Variants in TRIM9 observed in about 807,000 individuals in gnomAD.
TRIM9 encodes tripartite motif containing 9.
In TRIM9, 26 loss-of-function variants were observed where a neutral mutation model predicts 78.3. The observed-to-expected ratio is 0.33, with a 90% confidence interval of 0.24 to 0.46. TRIM9 has a LOEUF of 0.46. Ranked by LOEUF, TRIM9 falls within the 20% of genes least tolerant of loss-of-function variation. The pLI is 1.00. For missense variants in TRIM9, 787 were observed against 1,036.4 expected, an observed-to-expected ratio of 0.76 and a Z score of 3.30; for synonymous variants, 398 against 416.5, an observed-to-expected ratio of 0.96 and a Z score of 0.54.
At chr14:51,061,044 G>A (rs1054444564) in intron 1 of TRIM9, among the ~76,000 whole-genome samples, 3 of 152,188 alleles carry the variant, frequency 2.0e-5, no homozygotes, top group Admixed American at 6.5e-5. Context: ...ATGATGTTGA[G>A]TATGTGTTCA....
intron 1 of TRIM9, among the ~76,000 whole-genome samples, chr14:51,033,093 C>G (rs1377275754): frequency 1.3e-5 from 2 of 152,156 alleles, no homozygotes; most frequent in East Asian, 3.9e-4. Context: ...TATTTATTTA[C>G]TTATTTATTT....
chr14:51,048,220 C>T (rs4375571), intron 1 of TRIM9, among the ~76,000 whole-genome samples: 43,812 of 152,068 alleles, frequency 0.29, 7,425 homozygotes, highest in South Asian at 0.53. Context: ...ATTCAGTGCA[C>T]GGGCAATCTC....
intron 1 of TRIM9, among the ~76,000 whole-genome samples, chr14:51,058,845 A>T (rs897674755): frequency 3.3e-5 from 5 of 152,242 alleles, no homozygotes; most frequent in Non-Finnish European, 7.3e-5. Context: ...TTGGAAGAAT[A>T]AGAAAAATAT....
chr14:51,014,225 A>G (rs1335639929), intron 3 of TRIM9, among the ~76,000 whole-genome samples: 1 of 152,146 alleles, frequency 6.6e-6, no homozygotes, highest in African/African-American at 2.4e-5. Flanking sequence ...TTCCTTATCA[A>G]GCATGGTTTA....
chr14:51,091,862 G>A (rs61987477), intron 1 of TRIM9, among the ~76,000 whole-genome samples: 24,844 of 152,086 alleles, frequency 0.16, 2,321 homozygotes, highest in African/African-American at 0.25. Context: ...GGCAGCACCA[G>A]TGTCTGTCTA....
At chr14:51,047,439 C>T (rs894768380) in intron 1 of TRIM9, among the ~76,000 whole-genome samples, 1 of 152,110 alleles carries the variant, frequency 6.6e-6, no homozygotes, top group African/African-American at 2.4e-5. Context: ...GAGGAATGAA[C>T]ACAGAGCTTA....
rs532387709 is a variant in TRIM9, at chr14:50,995,896, C to A, written c.1603+2154G>T. Among the ~76,000 whole-genome samples the A allele has an allele frequency of 2.0e-4, 30 of 152,020 alleles. No homozygotes were observed. In the East Asian group the frequency reaches 5.0e-3, roughly 25 times the overall value. On this transcript the variant is annotated intron_variant, in intron 7 of 12. Coordinates refer to ENST00000684578, the MANE Select transcript of TRIM9 (RefSeq NM_001387360.1). ...ATTTTTCTCACTGATTTCTAAAAAA[C>A]AAACAAAAAAGAGATAATTATTTGA... is the stretch of plus-strand genomic sequence containing the variant.
At chr14:51,050,315 G>T (rs2060295930) in intron 1 of TRIM9, among the ~76,000 whole-genome samples, 1 of 152,094 alleles carries the variant, frequency 6.6e-6, no homozygotes, top group Non-Finnish European at 1.5e-5. Flanking sequence ...TCCCCATACT[G>T]TTCTCGTGGT....
At chr14:51,031,371 C>G (rs945984090) in intron 1 of TRIM9, among the ~76,000 whole-genome samples, 1 of 151,988 alleles carries the variant, frequency 6.6e-6, no homozygotes, top group Non-Finnish European at 1.5e-5. Flanking sequence ...TCAAGGCTGC[C>G]AAAAGAATTC....
intron 7 of TRIM9, among the ~76,000 whole-genome samples, chr14:50,992,194 G>A (rs1161470163): frequency 6.6e-6 from 1 of 152,194 alleles, no homozygotes; most frequent in Non-Finnish European, 1.5e-5. Context: ...TCTTCTGACA[G>A]GTTCTTTGTT....
intron 1 of TRIM9, chr14:51,088,986 A>T (rs1393564411): frequency 6.9e-6 from 1 of 144,920 alleles, no homozygotes; most frequent in African/African-American, 2.7e-5. Context: ...AGCTAAAGCA[A>T]AGAAAAAAAA....
Position 51,001,643 on chromosome 14 carries a change from A to G in TRIM9, c.1307-803T>C, listed in dbSNP as rs560871086. Among the ~76,000 whole-genome samples the G allele has an allele frequency of 2.0e-4, 31 of 152,236 alleles. 1 individual carries two copies. The South Asian group carries it at 6.4e-3, about 32-fold the overall frequency. On this transcript the variant is annotated intron_variant, in intron 5 of 12. Coordinates refer to ENST00000684578, the MANE Select transcript of TRIM9 (RefSeq NM_001387360.1). The stretch of plus-strand genomic sequence containing the variant: ...GAAACCACTACATTTCCAATATTCC[A>G]TCATTTTTTTTTAAAACCAGTGATT...
At position 51,090,358 on chromosome 14, in the gene TRIM9, C is replaced by T. The variant is rs147858540; in HGVS notation, c.822+3760G>A. Among the ~76,000 whole-genome samples, 1,148 of 152,216 alleles carry T rather than the reference C, an allele frequency of 7.5e-3. 6 individuals carry two copies. The highest frequency in any genetic ancestry group is 0.01 in the Non-Finnish European group (689 of 68,012). ...ACATAAATATTTAATGAGATGCCAC[C>T]ATAAAGCTAAGCAGATATTTTTCTC... On this transcript the variant is annotated intron_variant, in intron 1 of 12. Coordinates refer to ENST00000684578, the MANE Select transcript of TRIM9 (RefSeq NM_001387360.1).
intron 6 of TRIM9, among the ~76,000 whole-genome samples, chr14:50,998,629 A>G (rs2054544001): frequency 6.6e-6 from 1 of 152,202 alleles, no homozygotes; most frequent in South Asian, 2.1e-4. Flanking sequence ...TGAAACCATG[A>G]AAACAGGAAG....
At chr14:51,080,160 C>A (rs1197860966) in intron 1 of TRIM9, among the ~76,000 whole-genome samples, 1 of 151,142 alleles carries the variant, frequency 6.6e-6, no homozygotes, top group African/African-American at 2.4e-5. Flanking sequence ...TTTCTAGACA[C>A]ATGTGGAAAC....
intron 1 of TRIM9, among the ~76,000 whole-genome samples, chr14:51,054,788 C>T (rs1293597928): frequency 6.6e-6 from 1 of 151,838 alleles, no homozygotes; most frequent in Non-Finnish European, 1.5e-5. Flanking sequence ...ATCCACCTGC[C>T]TCGGCCTCCC....
At chr14:50,991,440 G>T (rs905026333) in intron 7 of TRIM9, among the ~76,000 whole-genome samples, 1 of 152,128 alleles carries the variant, frequency 6.6e-6, no homozygotes, top group African/African-American at 2.4e-5. Context: ...GGTCAGGTAT[G>T]ATTACCTACC....
chr14:51,007,510 T>C (rs959931077), intron 5 of TRIM9, among the ~76,000 whole-genome samples: 2 of 152,026 alleles, frequency 1.3e-5, no homozygotes, highest in African/African-American at 4.8e-5. Flanking sequence ...GTTGTAGGAG[T>C]TGGTTCTCTA....
intron 8 of TRIM9, among the ~76,000 whole-genome samples, chr14:50,985,098 T>C (rs1290259355): frequency 6.6e-6 from 1 of 152,218 alleles, no homozygotes; most frequent in Non-Finnish European, 1.5e-5. Context: ...ATGATTACAA[T>C]ATAGTCCTGA....
Sources: gnomAD v4.1 joint callset for allele counts (sites outside exome capture counted in the v4.1 genomes callset) on GRCh38, gnomAD v4.1.1 for gene constraint, MANE v1.5 for transcripts, NCBI Gene and HGNC (gene_info 2026-07-23, HGNC 2026-07-21) for gene names.